Variants in FOXI1 observed in about 807,000 individuals in gnomAD.
The protein encoded by FOXI1 is forkhead box protein I1.
FOXI1 carries 11 observed loss-of-function variants against 16.4 expected under a neutral mutation model. The ratio of observed to expected loss-of-function variants is 0.67; its 90% CI spans 0.42 to 1.11. The LOEUF (loss-of-function observed/expected upper bound fraction) is 1.11, where lower values mean the gene tolerates loss of function less well. Among genes scored for constraint, FOXI1 ranks in the 50% least tolerant of loss-of-function variants. The pLI is 0.00. For synonymous variants in FOXI1, 218 were observed against 211.5 expected, an observed-to-expected ratio of 1.03 and a Z score of -0.27; for missense variants, 480 against 506.1, an observed-to-expected ratio of 0.95 and a Z score of 0.49.
rs77136537 is a variant in FOXI1, at chr5:170,107,990, G to A, written c.575-59G>A. 13,108 of 1,347,514 alleles carry A rather than the reference G, an allele frequency of 9.7e-3. 164 individuals carry two copies. The highest frequency in any genetic ancestry group is 0.026 in the South Asian group (2,231 of 85,108). The allele number at this position is 1,347,514 out of a possible 1,614,324, so 83.5% of individuals were successfully genotyped here. ...GCTTTTAGTTTATGACAATAAGGAGGAACAGAAGCAAAGCATTTTGTCCAC... is the reference window on the plus strand; with the variant it reads ...GCTTTTAGTTTATGACAATAAGGAGAAACAGAAGCAAAGCATTTTGTCCAC... On this transcript the variant is annotated intron_variant, in intron 1 of 1. Transcript: ENST00000306268.
rs1758595898 is a variant in FOXI1 at position 170,109,289 on chromosome 5, G to C, written c.*678G>C. 1 of 152,818 alleles carries C rather than the reference G, an allele frequency of 6.5e-6. No homozygotes were observed. Among genetic ancestry groups the C allele is most frequent in the Non-Finnish European group, 1.5e-5 (1 of 68,484 alleles). The allele number at this position is 152,818 out of a possible 1,614,324, so 9.5% of individuals were successfully genotyped here. A position where few individuals can be genotyped will look rare whatever the true frequency, so the allele number is the denominator to read the frequency against. ...TAGTGCAGGAAACTCAGCCCTGGTG[G>C]CCCTGCAGAACAATGCATCTGACAT... On this transcript the variant is annotated 3_prime_UTR_variant, in exon 2 of 2. Coordinates refer to ENST00000306268, the MANE Select transcript of FOXI1 (RefSeq NM_012188.5).
chr5:170,108,326 T>A lies in FOXI1; in HGVS notation c.852T>A (p.Ser284=), dbSNP rs1554131922. The A allele has an allele frequency of 6.2e-7, 1 of 1,614,076 alleles. No homozygotes were observed. Residue 284 remains serine, a synonymous_variant, in exon 2 of 2, where the codon TCT becomes TCA. Coordinates refer to ENST00000306268, the MANE Select transcript of FOXI1 (RefSeq NM_012188.5). ...GAPCLNSFLS[S]MTAYVSGGSP... ...CTTGCCTTAACAGCTTCCTTTCCTC[T>A]ATGACAGCCTATGTGAGCGGGGGGA... is the stretch of plus-strand genomic sequence containing the variant.
chr5:170,107,913 C>G lies in FOXI1; in HGVS notation c.575-136C>G, dbSNP rs1758541131. 5.4e-6 allele frequency: 4 copies of G among 742,918 alleles called. No individual in the cohort carries two copies. The African/African-American group carries it at 6.9e-5, about 13-fold the overall frequency. 46.0% of individuals were successfully genotyped at this position (742,918 alleles called of 1,614,324 possible). ...GGTTCATCAGTTGATGGAATTCCTC[C>G]ATTTCTCAGTCCCTGCCTGTCGGTC... is the stretch of plus-strand genomic sequence containing the variant. On this transcript the variant is annotated intron_variant, in intron 1 of 1. Coordinates refer to ENST00000306268, the MANE Select transcript of FOXI1 (RefSeq NM_012188.5).
Position 170,108,428 on chromosome 5 carries a change from C to T in FOXI1, c.954C>T (p.Thr318=). ...PSDKTGQNSL[T]FNSFSPLTNL... ...ACAAGACGGGGCAGAACTCACTGAC[C>T]TTCAACTCCTTCTCCCCGCTCACCA... Residue 318 remains threonine (T), a synonymous_variant, in exon 2 of 2, where the codon ACC becomes ACT. Coordinates refer to ENST00000306268, the MANE Select transcript of FOXI1 (RefSeq NM_012188.5). 1 of 1,607,572 alleles carries T rather than the reference C, an allele frequency of 6.2e-7. No homozygotes were observed. The highest frequency in any genetic ancestry group is 1.7e-4 in the Middle Eastern group (1 of 6,032).
chr5:170,106,626 C>A, intron 1 of FOXI1, 95 bp downstream of exon 1: 2 of 1,523,634 alleles, frequency 1.3e-6, no homozygotes, highest in Non-Finnish European at 8.9e-7. Flanking sequence ...TAGGGCTGTG[C>A]CCCCCAAGAC....
chr5:170,108,608 C>T lies in FOXI1; in HGVS notation c.1134C>T (p.Val378=). 6.2e-7 allele frequency: 1 copy of T among 1,611,626 alleles called. No homozygotes were observed. Among genetic ancestry groups the T allele is most frequent in the Middle Eastern group, 1.7e-4 (1 of 6,060 alleles). The part of the protein sequence containing the change: ...GVLYPREGTE[V] Reference sequence around the variant, plus strand: ...TCTACCCCAGGGAGGGCACCGAGGTCTAGGTACAGAACAGCTCCTGAGCCA... The same window carrying T: ...TCTACCCCAGGGAGGGCACCGAGGTTTAGGTACAGAACAGCTCCTGAGCCA... The change falls in exon 2 of 2, where the codon GTC becomes GTT. Residue 378 remains valine, a synonymous_variant. Transcript: ENST00000306268.
chr5:170,108,335 C>G lies in FOXI1; in HGVS notation c.861C>G (p.Ala287=), dbSNP rs145785746. Residue 287 remains alanine, a synonymous_variant, in exon 2 of 2, where the codon GCC becomes GCG. Transcript: ENST00000306268. ...CLNSFLSSMT[A]YVSGGSPTSH... is the part of the protein sequence containing the mutation. ...ACAGCTTCCTTTCCTCTATGACAGC[C>G]TATGTGAGCGGGGGGAGCCCCACGA... 63 of 1,614,200 alleles carry G rather than the reference C, an allele frequency of 3.9e-5. 1 individual carries two copies. Among genetic ancestry groups the G allele is most frequent in the Admixed American group, 6.7e-5 (4 of 60,024 alleles).
chr5:170,106,577 T>C, intron 1 of FOXI1, 46 bp downstream of exon 1: 2 of 1,610,214 alleles, frequency 1.2e-6, no homozygotes, highest in Non-Finnish European at 1.7e-6. Flanking sequence ...GAAGACTCAC[T>C]TCCTTCCTCC....
At position 170,108,437 on chromosome 5, in the gene FOXI1, C is replaced by T. The variant is rs1758564602; in HGVS notation, c.963C>T (p.Ser321=). 6.2e-7 allele frequency: 1 copy of T among 1,605,080 alleles called. No homozygotes were observed. The highest frequency in any genetic ancestry group is 8.5e-7 in the Non-Finnish European group (1 of 1,173,630). Reference sequence around the variant, plus strand: ...GGCAGAACTCACTGACCTTCAACTCCTTCTCCCCGCTCACCAACCTCAGCA... The same window carrying T: ...GGCAGAACTCACTGACCTTCAACTCTTTCTCCCCGCTCACCAACCTCAGCA... The part of the protein sequence containing the change: ...KTGQNSLTFN[S]FSPLTNLSNH... Residue 321 remains serine, a synonymous_variant, in exon 2 of 2, where the codon TCC becomes TCT. Transcript: ENST00000306268.
chr5:170,108,228 T>G lies in FOXI1; in HGVS notation c.754T>G (p.Leu252Val). Residue 252 changes from leucine (L) to valine (V), a missense_variant, in exon 2 of 2, where the codon TTG becomes GTG. Leu to Val is a conservative substitution (Grantham distance 32, BLOSUM62 1). Transcript: ENST00000306268. ...SPKTTEPQDILDGASPGGTTS... is the reference protein window; with the variant it reads ...SPKTTEPQDIVDGASPGGTTS... ...CAAGACCACGGAGCCTCAGGACATC[T>G]TGGATGGAGCCTCACCAGGGGGCAC... 1.2e-6 allele frequency: 2 copies of G among 1,614,162 alleles called. No homozygotes were observed. Among genetic ancestry groups the G allele is most frequent in the Non-Finnish European group, 8.5e-7 (1 of 1,180,006 alleles).
Position 170,108,688 on chromosome 5 carries a change from G to T in FOXI1, c.*77G>T. ...AGGTCCTCCATGCCAGCCCCACGGT[G>T]GTCCATGACTGCGGAACTGCCCAGA... On this transcript the variant is annotated 3_prime_UTR_variant, in exon 2 of 2. Transcript: ENST00000306268. The T allele has an allele frequency of 8.6e-7, 1 of 1,157,288 alleles. No homozygotes were observed. Among genetic ancestry groups the T allele is most frequent in the Non-Finnish European group, 1.3e-6 (1 of 765,604 alleles). The allele number at this position is 1,157,288 out of a possible 1,614,324, so 71.7% of individuals were successfully genotyped here.
rs1561920750 is a variant in FOXI1, at chr5:170,106,143, C to T, written c.186C>T (p.Tyr62=). Reference sequence around the variant, plus strand: ...AGTATGGGGCCACCCCCAACCCCTACCTCTGGTTCAACGGGCCCACCATGA... The same window carrying T: ...AGTATGGGGCCACCCCCAACCCCTATCTCTGGTTCAACGGGCCCACCATGA... The part of the protein sequence containing the change: ...GGEYGATPNP[Y]LWFNGPTMTP... The change falls in exon 1 of 2, where the codon TAC becomes TAT. Residue 62 remains tyrosine, a synonymous_variant. Transcript: ENST00000306268. 6.2e-7 allele frequency: 1 copy of T among 1,609,302 alleles called. No individual in the cohort carries two copies. Among genetic ancestry groups the T allele is most frequent in the Non-Finnish European group, 8.5e-7 (1 of 1,177,452 alleles).
Position 170,108,887 on chromosome 5 carries a change from T to A in FOXI1, c.*276T>A, listed in dbSNP as rs1758584238. The A allele has an allele frequency of 4.3e-6, 2 of 468,742 alleles. No homozygotes were observed. The highest frequency in any genetic ancestry group is 7.7e-6 in the Non-Finnish European group (2 of 259,230). The allele number at this position is 468,742 out of a possible 1,614,324, so 29.0% of individuals were successfully genotyped here. A position where few individuals can be genotyped will look rare whatever the true frequency, so the allele number is the denominator to read the frequency against. On this transcript the variant is annotated 3_prime_UTR_variant, in exon 2 of 2. Coordinates refer to ENST00000306268, the MANE Select transcript of FOXI1 (RefSeq NM_012188.5). ...GTACTAGGCTCTGTACTGGCCACAC[T>A]TACTATTGACAGTCACCCCGTAAGG...
Position 170,108,760 on chromosome 5 carries a change from G to A in FOXI1, c.*149G>A. The A allele has an allele frequency of 3.0e-6, 2 of 675,478 alleles. No individual in the cohort carries two copies. The highest frequency in any genetic ancestry group is 1.7e-5 in the South Asian group (1 of 58,156). 41.8% of individuals were successfully genotyped at this position (675,478 alleles called of 1,614,324 possible). On this transcript the variant is annotated 3_prime_UTR_variant, in exon 2 of 2. Transcript: ENST00000306268. The stretch of plus-strand genomic sequence containing the variant: ...AATCCACCCTCTTTCTAGAACACTG[G>A]TTAAGGCTTCTGTTTATCACACATA...
intron 1 of FOXI1, among the ~76,000 whole-genome samples, chr5:170,107,335 C>A (rs1301898981): frequency 6.6e-6 from 1 of 152,188 alleles, no homozygotes; most frequent in African/African-American, 2.4e-5. Flanking sequence ...CGCAGGAAGC[C>A]AAGGTATAGC....
intron 1 of FOXI1, among the ~76,000 whole-genome samples, chr5:170,107,810 T>A (rs1294991880): frequency 6.6e-6 from 1 of 152,156 alleles, no homozygotes; most frequent in African/African-American, 2.4e-5. Flanking sequence ...CATTGCAAAC[T>A]CCTTAATGCT....
rs778601550 is a variant in FOXI1 at position 170,108,496 on chromosome 5, T to G, written c.1022T>G (p.Met341Arg). 6.9e-6 allele frequency: 11 copies of G among 1,603,240 alleles called. No homozygotes were observed. The highest frequency in any genetic ancestry group is 8.5e-6 in the Non-Finnish European group (10 of 1,172,988). Residue 341 changes from methionine (M) to arginine (R), a missense_variant, in exon 2 of 2, where the codon ATG (methionine) becomes AGG (arginine). This residue lies in a region of FOXI1 where 257 missense variants were observed against 262.2 expected (regional missense o/e 0.98). Coordinates refer to ENST00000306268, the MANE Select transcript of FOXI1 (RefSeq NM_012188.5). ...HSGGGDWANP[M>R]PTNMLSYGGS... ...GGTGGGGGTGACTGGGCGAACCCCATGCCCACCAACATGCTCAGCTATGGA... is the reference window on the plus strand; with the variant it reads ...GGTGGGGGTGACTGGGCGAACCCCAGGCCCACCAACATGCTCAGCTATGGA...
At position 170,106,156 on chromosome 5, in the gene FOXI1, G is replaced by A. The variant is rs1235637800; in HGVS notation, c.199G>A (p.Gly67Arg). Residue 67 changes from glycine (G) to arginine (R), a missense_variant, in exon 1 of 2, where the codon GGG becomes AGG. Gly to Arg is a moderately radical substitution (Grantham distance 125). Transcript: ENST00000306268. ...ATPNPYLWFN[G>R]PTMTPPPYLP... ...CCCCAACCCCTACCTCTGGTTCAAC[G>A]GGCCCACCATGACCCCGCCACCCTA... 1.2e-6 allele frequency: 2 copies of A among 1,606,524 alleles called. No individual in the cohort carries two copies. The highest frequency in any genetic ancestry group is 1.7e-6 in the Non-Finnish European group (2 of 1,175,918).
chr5:170,108,253 C>T lies in FOXI1; in HGVS notation c.779C>T (p.Thr260Ile), dbSNP rs1288260364. ...DILDGASPGG[T>I]TSSPEKRPSP... ...TTGGATGGAGCCTCACCAGGGGGCA[C>T]CACCAGCTCCCCAGAGAAGCGGCCC... Residue 260 changes from threonine (T) to isoleucine (I), a missense_variant, in exon 2 of 2, where the codon ACC becomes ATC. This residue lies in a region of FOXI1 where 257 missense variants were observed against 262.2 expected (regional missense o/e 0.98). Transcript: ENST00000306268. The T allele has an allele frequency of 6.2e-7, 1 of 1,614,164 alleles. No individual in the cohort carries two copies. The highest frequency in any genetic ancestry group is 1.1e-5 in the South Asian group (1 of 91,080).
Sources: gnomAD v4.1 joint callset for allele counts (sites outside exome capture counted in the v4.1 genomes callset) on GRCh38, gnomAD v4.1.1 for gene constraint, gnomAD v4.1.1 regional missense constraint, MANE v1.5 for transcripts, NCBI Gene and HGNC (gene_info 2026-07-23, HGNC 2026-07-21) for gene names.